The following SNX29 variants were observed in gnomAD, a reference collection of about 807,000 sequenced individuals.
The protein encoded by SNX29 is sorting nexin-29.
A neutral mutation model predicts 102.1 loss-of-function variants in SNX29; 78 were observed. The ratio of observed to expected loss-of-function variants is 0.76; its 90% CI spans 0.64 to 0.92. The LOEUF is 0.92. Among genes scored for constraint, SNX29 ranks in the 40% least tolerant of loss-of-function variants. The probability of loss-of-function intolerance (pLI) is 0.00; values close to 1 mark genes in which losing one functional copy is unlikely to be tolerated. For synonymous variants in SNX29, 580 were observed against 414.5 expected (o/e 1.40, Z -4.85); for missense variants, 1,280 against 1,061.7 (o/e 1.21, Z -2.86).
intron 9 of SNX29, among the ~76,000 whole-genome samples, chr16:12,063,366 C>CGTTTTTTTTTTTTTTTTTTTT (rs2050862421): frequency 1.8e-5 from 1 of 55,336 alleles, no homozygotes; most frequent in Non-Finnish European, 3.3e-5. Flanking sequence ...CCTAGTCCAT[C>CGTTTTTTTTTTTTTTTTTTTT]TTTTTTTTTT....
chr16:11,989,476 C>T (rs1329639699), intron 1 of SNX29, among the ~76,000 whole-genome samples: 2 of 152,172 alleles, frequency 1.3e-5, no homozygotes. Flanking sequence ...AGACAGCGCC[C>T]TGACTTTGGG....
chr16:12,572,085 G>A lies in SNX29; in HGVS notation c.*3456G>A. The A allele has an allele frequency of 1.9e-6, 2 of 1,063,484 alleles. No individual in the cohort carries two copies. The highest frequency in any genetic ancestry group is 2.3e-6 in the Non-Finnish European group (2 of 877,966). The allele number at this position is 1,063,484 out of a possible 1,614,324, so 65.9% of individuals were successfully genotyped here. Reference sequence around the variant, plus strand: ...ATCTTGCAAGATCTAGGAAGAGGAAGGGGAGGGATGTGGACTGGGTCTGAT... The same window carrying A: ...ATCTTGCAAGATCTAGGAAGAGGAAAGGGAGGGATGTGGACTGGGTCTGAT... On this transcript the variant is annotated 3_prime_UTR_variant, in exon 21 of 21. Coordinates refer to ENST00000566228, the MANE Select transcript of SNX29 (RefSeq NM_032167.5).
intron 18 of SNX29, among the ~76,000 whole-genome samples, chr16:12,428,449 T>A (rs896108179): frequency 2.7e-5 from 4 of 147,452 alleles, no homozygotes; most frequent in African/African-American, 8.1e-5. Context: ...GTAGTACATC[T>A]TCTTTATAGA....
chr16:12,493,465 A>G (rs965281884), intron 19 of SNX29, among the ~76,000 whole-genome samples: 27 of 152,280 alleles, frequency 1.8e-4, no homozygotes, highest in Non-Finnish European at 3.7e-4. Flanking sequence ...TAGATATACA[A>G]TCATGTCATC....
intron 18 of SNX29, among the ~76,000 whole-genome samples, chr16:12,442,750 C>T (rs1208335866): frequency 6.6e-6 from 1 of 151,984 alleles, no homozygotes; most frequent in Non-Finnish European, 1.5e-5. Flanking sequence ...GACACCACAC[C>T]TGGCTAATTT....
At chr16:12,433,848 C>G (rs1319384600) in intron 18 of SNX29, among the ~76,000 whole-genome samples, 2 of 152,124 alleles carry the variant, frequency 1.3e-5, no homozygotes, top group Non-Finnish European at 2.9e-5. Context: ...ACCCAGAAAA[C>G]TAATGATCAA....
At chr16:12,565,317 G>A (rs2078952782) in intron 20 of SNX29, among the ~76,000 whole-genome samples, 1 of 152,284 alleles carries the variant, frequency 6.6e-6, no homozygotes, top group Non-Finnish European at 1.5e-5. Context: ...CAAGTCCACT[G>A]TGCTCAGCAG....
chr16:12,502,411 C>T (rs1321910352), intron 19 of SNX29, among the ~76,000 whole-genome samples: 1 of 152,188 alleles, frequency 6.6e-6, no homozygotes, highest in African/African-American at 2.4e-5. Context: ...GCCGGGCCCA[C>T]AGGGAATGCT....
intron 20 of SNX29, among the ~76,000 whole-genome samples, chr16:12,560,025 A>G (rs1282468266): frequency 6.6e-6 from 1 of 152,210 alleles, no homozygotes; most frequent in Non-Finnish European, 1.5e-5. Flanking sequence ...TGGAAGACTT[A>G]GTATGACAAA....
intron 9 of SNX29, among the ~76,000 whole-genome samples, chr16:12,062,328 G>A (rs889292077): frequency 2.0e-5 from 3 of 151,538 alleles, no homozygotes; most frequent in Admixed American, 6.6e-5. Flanking sequence ...GCAGTGAGCC[G>A]ATATCGTGGC....
intron 13 of SNX29, among the ~76,000 whole-genome samples, chr16:12,134,516 C>T (rs1177301546): frequency 2.0e-5 from 3 of 152,214 alleles, no homozygotes; most frequent in African/African-American, 4.8e-5. Flanking sequence ...CCACGTGGGC[C>T]TCTCCGTGGG....
At chr16:12,407,760 C>G (rs58449530) in intron 18 of SNX29, among the ~76,000 whole-genome samples, 9,072 of 152,250 alleles carry the variant, frequency 0.06, 354 homozygotes, top group East Asian at 0.19. Flanking sequence ...CAGTCTCTGA[C>G]AAGGTCCTGG....
In SNX29 at chr16:12,568,693, C is replaced by A; in HGVS notation, c.*64C>A. ...CCAGCTGCGTCCACCCCAGCCACTG[C>A]CGCTGGCCCCTCACCTCAGCGTGAC... On this transcript the variant is annotated 3_prime_UTR_variant, in exon 21 of 21. Coordinates refer to ENST00000566228, the MANE Select transcript of SNX29 (RefSeq NM_032167.5). 1.3e-6 allele frequency: 2 copies of A among 1,575,534 alleles called. No individual in the cohort carries two copies. Among genetic ancestry groups the A allele is most frequent in the South Asian group, 1.1e-5 (1 of 88,486 alleles).
intron 20 of SNX29, among the ~76,000 whole-genome samples, chr16:12,555,661 T>C (rs1320797573): frequency 1.3e-5 from 2 of 151,998 alleles, no homozygotes; most frequent in African/African-American, 2.4e-5. Context: ...ACCCTGTCAC[T>C]CCTGCACGAA....
intron 20 of SNX29, among the ~76,000 whole-genome samples, chr16:12,551,546 G>C (rs2077977888): frequency 6.6e-6 from 1 of 152,158 alleles, no homozygotes; most frequent in African/African-American, 2.4e-5. Context: ...TAATTCTAAG[G>C]TGCATGCAAA....
intron 14 of SNX29, among the ~76,000 whole-genome samples, chr16:12,254,371 C>T (rs992107131): frequency 3.9e-5 from 6 of 152,122 alleles, no homozygotes; most frequent in African/African-American, 1.2e-4. Context: ...GAGAAGGAGG[C>T]CAGGCGCAGT....
chr16:12,539,491 G>T (rs891218833), intron 20 of SNX29, among the ~76,000 whole-genome samples: 3 of 152,184 alleles, frequency 2.0e-5, no homozygotes, highest in Middle Eastern at 3.2e-3. Context: ...AGTCATAAAG[G>T]AATAAAGTTG....
intron 15 of SNX29, among the ~76,000 whole-genome samples, chr16:12,317,691 G>A (rs1192072959): frequency 6.6e-6 from 1 of 152,192 alleles, no homozygotes; most frequent in African/African-American, 2.4e-5. Context: ...CTTATGCACC[G>A]TCTTGTGCCT....
At chr16:12,530,908 C>G (rs759802871) in intron 20 of SNX29, among the ~76,000 whole-genome samples, 7 of 152,140 alleles carry the variant, frequency 4.6e-5, no homozygotes, top group Non-Finnish European at 1.0e-4. Flanking sequence ...GTAATAGTAT[C>G]CACCGTAATG....
Sources: allele counts gnomAD v4.1 joint callset (sites outside exome capture counted in the v4.1 genomes callset), GRCh38; gene constraint gnomAD v4.1.1; transcripts MANE v1.5; gene names NCBI Gene and HGNC (gene_info 2026-07-23, HGNC 2026-07-21).